Variants in LSAMP observed in about 807,000 individuals in gnomAD.
LSAMP encodes the protein limbic system-associated membrane protein.
Under a neutral mutation model 38.6 loss-of-function variants are expected in LSAMP, and 7 were observed. The ratio of observed to expected loss-of-function variants is 0.18; its 90% CI spans 0.10 to 0.34. The LOEUF (loss-of-function observed/expected upper bound fraction) is 0.34. Among genes scored for constraint, LSAMP ranks in the 10% least tolerant of loss-of-function variants. The pLI, the probability that LSAMP is intolerant of heterozygous loss-of-function variation, is 1.00. For synonymous variants in LSAMP, 154 were observed against 166.8 expected, an observed-to-expected ratio of 0.92 and a Z score of 0.59; for missense variants, 313 against 420.0, an observed-to-expected ratio of 0.75 and a Z score of 2.23.
At chr3:116,377,271 T>A (rs1381335822) in intron 1 of LSAMP, among the ~76,000 whole-genome samples, 1 of 151,906 alleles carries the variant, frequency 6.6e-6, no homozygotes, top group Admixed American at 6.6e-5. Flanking sequence ...GTTGTTCCCC[T>A]CCCTGTGTCC....
At chr3:115,983,176 C>T (rs1262937824) in intron 3 of LSAMP, among the ~76,000 whole-genome samples, 1 of 152,004 alleles carries the variant, frequency 6.6e-6, no homozygotes, top group East Asian at 1.9e-4. Context: ...ATCTGGGTCA[C>T]TATAGGAAAA....
intron 1 of LSAMP, among the ~76,000 whole-genome samples, chr3:116,347,111 C>T (rs927919430): frequency 6.6e-6 from 1 of 152,150 alleles, no homozygotes; most frequent in Admixed American, 6.5e-5. Context: ...ACAGCAAGTA[C>T]ATTTTCTAAT....
chr3:116,345,573 G>C (rs1006654304), intron 1 of LSAMP, among the ~76,000 whole-genome samples: 1 of 152,038 alleles, frequency 6.6e-6, no homozygotes, highest in Non-Finnish European at 1.5e-5. Flanking sequence ...GTTACATTCA[G>C]TAATAAAACT....
At position 116,329,884 on chromosome 3, in the gene LSAMP, T is replaced by TA. The variant is rs377539156; in HGVS notation, c.155+114992dup. ...GCTAGTTAACTAATATGAAAGGGTT[T>TA]AAAAAAAATACTGATAACTTACATT... is the stretch of plus-strand genomic sequence containing the variant. On this transcript the variant is annotated intron_variant, in intron 1 of 6. Coordinates refer to ENST00000490035, the MANE Select transcript of LSAMP (RefSeq NM_002338.5). Among the ~76,000 whole-genome samples, 3 of 151,996 alleles carry TA rather than the reference T, an allele frequency of 2.0e-5. No individual in the cohort carries two copies. In the East Asian group the frequency reaches 5.8e-4, roughly 29 times the overall value.
At chr3:115,815,394 CTTT>C (rs1933985726) in intron 6 of LSAMP, among the ~76,000 whole-genome samples, 1 of 152,124 alleles carries the variant, frequency 6.6e-6, no homozygotes, top group Non-Finnish European at 1.5e-5. Context: ...TCGATGTTTT[CTTT>C]GAGTAATGGG....
intron 1 of LSAMP, among the ~76,000 whole-genome samples, chr3:116,374,251 T>C (rs910255785): frequency 6.6e-5 from 10 of 151,934 alleles, no homozygotes; most frequent in African/African-American, 2.4e-4. Flanking sequence ...TCCATAGGCA[T>C]TTTCAATAAA....
At chr3:116,410,733 C>T (rs1175786384) in intron 1 of LSAMP, among the ~76,000 whole-genome samples, 1 of 152,082 alleles carries the variant, frequency 6.6e-6, no homozygotes. Context: ...CAGGTCTCTC[C>T]TCTTCATTCC....
intron 1 of LSAMP, among the ~76,000 whole-genome samples, chr3:116,350,843 CG>C (rs1340513631): frequency 6.6e-6 from 1 of 151,800 alleles, no homozygotes; most frequent in East Asian, 1.9e-4. Flanking sequence ...AAAAGAAATC[CG>C]TGCTGGTTTT....
intron 1 of LSAMP, among the ~76,000 whole-genome samples, chr3:116,220,170 G>T (rs2046264318): frequency 8.6e-6 from 1 of 116,732 alleles, no homozygotes; most frequent in East Asian, 2.8e-4. Context: ...GTGACAGAGT[G>T]AGACTCCATC....
chr3:116,257,876 T>A (rs1489660136), intron 1 of LSAMP, among the ~76,000 whole-genome samples: 2 of 152,126 alleles, frequency 1.3e-5, no homozygotes, highest in Admixed American at 6.5e-5. Context: ...TTATTGAAAT[T>A]TTAAAAAAGA....
chr3:115,983,678 A>T (rs1202603705), intron 3 of LSAMP, among the ~76,000 whole-genome samples: 1 of 152,206 alleles, frequency 6.6e-6, no homozygotes, highest in Non-Finnish European at 1.5e-5. Context: ...TTCCAAAATA[A>T]GTAATTAACA....
chr3:116,387,965 G>A lies in LSAMP; in HGVS notation c.155+56912C>T, dbSNP rs182765156. Reference sequence around the variant, plus strand: ...AAAAGAAAAAAAAAATGAGTTGGGTGTGGTGGTGGGTGCCTGTAGTCCCAG... The same window carrying A: ...AAAAGAAAAAAAAAATGAGTTGGGTATGGTGGTGGGTGCCTGTAGTCCCAG... On this transcript the variant is annotated intron_variant, in intron 1 of 6. Transcript: ENST00000490035. Among the ~76,000 whole-genome samples, 844 of 152,124 alleles carry A rather than the reference G, an allele frequency of 5.5e-3. 2 individuals carry two copies. Among genetic ancestry groups the A allele is most frequent in the Middle Eastern group, 0.01 (3 of 294 alleles).
chr3:115,924,616 T>C (rs1196739089), intron 3 of LSAMP, among the ~76,000 whole-genome samples: 1 of 152,232 alleles, frequency 6.6e-6, no homozygotes, highest in Non-Finnish European at 1.5e-5. Flanking sequence ...AAAGATTATT[T>C]CCTTTTACAT....
At chr3:116,277,839 T>G (rs1428812808) in intron 1 of LSAMP, among the ~76,000 whole-genome samples, 1 of 152,228 alleles carries the variant, frequency 6.6e-6, no homozygotes, top group Non-Finnish European at 1.5e-5. Context: ...CAGCCTGCTC[T>G]TATTTTCATC....
At chr3:116,137,214 C>T (rs1291982519) in intron 1 of LSAMP, among the ~76,000 whole-genome samples, 1 of 151,842 alleles carries the variant, frequency 6.6e-6, no homozygotes, top group African/African-American at 2.4e-5. Context: ...GGATTAGGCC[C>T]ACCCTAATCC....
chr3:115,850,825 A>G (rs542148709), intron 4 of LSAMP, among the ~76,000 whole-genome samples: 3 of 152,322 alleles, frequency 2.0e-5, no homozygotes, highest in Admixed American at 6.5e-5. Flanking sequence ...GTAATGGTGC[A>G]TCCCAGCATA....
intron 1 of LSAMP, among the ~76,000 whole-genome samples, chr3:116,438,093 A>G (rs1009432161): frequency 1.3e-5 from 2 of 148,722 alleles, no homozygotes; most frequent in Non-Finnish European, 3.0e-5. Context: ...CTTGCCCTGC[A>G]CTCCTGATAA....
chr3:116,306,351 T>C (rs1370796645), intron 1 of LSAMP, among the ~76,000 whole-genome samples: 2 of 151,984 alleles, frequency 1.3e-5, no homozygotes, highest in Admixed American at 6.6e-5. Context: ...GGATAGTCAT[T>C]TACTGAGAGA....
intron 3 of LSAMP, among the ~76,000 whole-genome samples, chr3:115,966,570 C>CA (rs1244946670): frequency 2.0e-5 from 3 of 151,514 alleles, no homozygotes; most frequent in Admixed American, 6.6e-5. Context: ...CATCAGGAAA[C>CA]AAAAAAAATG....
Sources: allele counts gnomAD v4.1 joint callset (sites outside exome capture counted in the v4.1 genomes callset), GRCh38; gene constraint gnomAD v4.1.1; transcripts MANE v1.5; gene names NCBI Gene and HGNC (gene_info 2026-07-23, HGNC 2026-07-21).